The following DYM variants were observed in gnomAD, a reference collection of about 807,000 sequenced individuals.
The protein encoded by DYM is dymeclin.
Under a neutral mutation model 93.1 loss-of-function variants are expected in DYM, and 78 were observed. The ratio of observed to expected loss-of-function variants is 0.84; its 90% confidence interval spans 0.70 to 1.01. The LOEUF (loss-of-function observed/expected upper bound fraction) is 1.01. Ranked by LOEUF, DYM falls within the 50% of genes least tolerant of loss-of-function variation. The pLI, the probability that DYM is intolerant of heterozygous loss-of-function variation, is 0.00. For synonymous variants in DYM, 321 were observed against 319.7 expected, an observed-to-expected ratio of 1.00 and a Z score of -0.04; for missense variants, 789 against 845.0, an observed-to-expected ratio of 0.93 and a Z score of 0.82.
At chr18:49,372,526 T>C (rs769779110) in intron 5 of DYM, among the ~76,000 whole-genome samples, 2 of 152,200 alleles carry the variant, frequency 1.3e-5, no homozygotes, top group Non-Finnish European at 2.9e-5. Context: ...GCAGATCACC[T>C]GAGGTCAGGA....
chr18:49,404,099 C>T (rs753145939), intron 2 of DYM, among the ~76,000 whole-genome samples: 2 of 152,112 alleles, frequency 1.3e-5, no homozygotes, highest in Non-Finnish European at 1.5e-5. Flanking sequence ...CCTCCGCCTC[C>T]CGGATTCAAG....
At chr18:49,294,576 A>G (rs983909416) in intron 8 of DYM, among the ~76,000 whole-genome samples, 4 of 152,334 alleles carry the variant, frequency 2.6e-5, no homozygotes, top group Admixed American at 6.5e-5. Context: ...TGAAGAGGAC[A>G]TAAAGTATGA....
chr18:49,386,624 T>C (rs1194528022), intron 3 of DYM, among the ~76,000 whole-genome samples: 1 of 152,182 alleles, frequency 6.6e-6, no homozygotes, highest in Non-Finnish European at 1.5e-5. Context: ...TGAGAAACTG[T>C]TGCAGACCAG....
chr18:49,088,708 A>C (rs2078782667), intron 17 of DYM, among the ~76,000 whole-genome samples: 1 of 152,216 alleles, frequency 6.6e-6, no homozygotes, highest in Non-Finnish European at 1.5e-5. Flanking sequence ...GTATGCTTTC[A>C]GTTACACAAA....
rs371594165 is a variant in DYM at position 49,205,992 on chromosome 18, G to GTTTTTTTTTTTGTTTT, written c.1625+3558_1625+3559insAAAACAAAAAAAAAAA. ...GTAAGTCATGTTTGACTAAGGTAGAGTTTTTTTTTTGTTTTTTTGTTTTTT... is the reference window on the plus strand; with the variant it reads ...GTAAGTCATGTTTGACTAAGGTAGAGTTTTTTTTTTTGTTTTTTTTTTTTTTGTTTTTTTGTTTTTT... On this transcript the variant is annotated intron_variant, in intron 14 of 17. Coordinates refer to ENST00000675505, the MANE Select transcript of DYM (RefSeq NM_001353214.3). 286 of 56,228 alleles carry GTTTTTTTTTTTGTTTT rather than the reference G, an allele frequency of 5.1e-3. 1 individual carries two copies. The highest frequency in any genetic ancestry group is 9.9e-3 in the Non-Finnish European group (210 of 21,212). The allele number at this position is 56,228 out of a possible 1,614,324, so 3.5% of individuals were successfully genotyped here. A position where few individuals can be genotyped will look rare whatever the true frequency, so the allele number is the denominator to read the frequency against.
intron 14 of DYM, among the ~76,000 whole-genome samples, chr18:49,203,629 T>C (rs1184321544): frequency 3.5e-5 from 5 of 141,404 alleles, no homozygotes; most frequent in Non-Finnish European, 6.1e-5. Context: ...CAAGATGTGC[T>C]TTGTTAAACA....
intron 17 of DYM, among the ~76,000 whole-genome samples, chr18:49,058,621 C>T (rs1374380429): frequency 6.6e-6 from 1 of 152,126 alleles, no homozygotes; most frequent in East Asian, 1.9e-4. Context: ...CACAAATTTA[C>T]ATATTTCAAT....
intron 17 of DYM, among the ~76,000 whole-genome samples, chr18:49,069,192 ATAAAC>A (rs1353363692): frequency 6.6e-6 from 1 of 152,372 alleles, no homozygotes; most frequent in African/African-American, 2.4e-5. Context: ...AAAATAGTGA[ATAAAC>A]TAAATTGTTA....
chr18:49,339,149 T>C (rs2063886933), intron 6 of DYM, among the ~76,000 whole-genome samples: 1 of 152,182 alleles, frequency 6.6e-6, no homozygotes, highest in Non-Finnish European at 1.5e-5. Context: ...CATGTGGTGA[T>C]ATAAAAACCC....
chr18:49,429,831 T>C (rs1165452630), intron 2 of DYM, among the ~76,000 whole-genome samples: 3 of 152,182 alleles, frequency 2.0e-5, no homozygotes, highest in East Asian at 3.8e-4. Context: ...ATTCTACAGA[T>C]ACTCCACAGC....
At chr18:49,219,178 C>A (rs1468373361) in intron 13 of DYM, among the ~76,000 whole-genome samples, 3 of 152,120 alleles carry the variant, frequency 2.0e-5, no homozygotes, top group Non-Finnish European at 4.4e-5. Context: ...AATTCCTCGA[C>A]ACATACACCC....
intron 3 of DYM, among the ~76,000 whole-genome samples, chr18:49,382,161 G>C (rs1331143411): frequency 6.6e-6 from 1 of 152,062 alleles, no homozygotes; most frequent in Non-Finnish European, 1.5e-5. Context: ...AAAACATCTT[G>C]TGTTTTTGGA....
chr18:49,437,277 ATATGACATATTCC>A (rs1272350907), intron 1 of DYM, among the ~76,000 whole-genome samples: 1 of 152,174 alleles, frequency 6.6e-6, no homozygotes, highest in East Asian at 1.9e-4. Flanking sequence ...AAACCATAGC[ATATGACATATTCC>A]TCTCTACTCT....
chr18:49,389,574 G>A (rs554956430), intron 3 of DYM, among the ~76,000 whole-genome samples: 8 of 152,152 alleles, frequency 5.3e-5, no homozygotes, highest in Non-Finnish European at 8.8e-5. Context: ...ATGGTTCCCT[G>A]CAGCCTCAAA....
intron 2 of DYM, among the ~76,000 whole-genome samples, chr18:49,407,999 G>T (rs1018626739): frequency 6.6e-6 from 1 of 151,598 alleles, no homozygotes; most frequent in South Asian, 2.1e-4. Flanking sequence ...AGAGGCTGAA[G>T]GGGGAGGACT....
chr18:49,247,975 T>C (rs1363593584), intron 13 of DYM, among the ~76,000 whole-genome samples: 4 of 152,194 alleles, frequency 2.6e-5, no homozygotes, highest in Non-Finnish European at 5.9e-5. Context: ...AAGACAAACA[T>C]TCCTCCTTCC....
intron 1 of DYM, among the ~76,000 whole-genome samples, chr18:49,452,945 G>A (rs2082650030): frequency 1.5e-5 from 2 of 131,554 alleles, no homozygotes; most frequent in African/African-American, 3.0e-5. Flanking sequence ...TCTAGGCTCA[G>A]GGTTTGAGGA....
At chr18:49,243,073 C>A (rs150640477) in intron 13 of DYM, among the ~76,000 whole-genome samples, 1 of 152,142 alleles carries the variant, frequency 6.6e-6, no homozygotes, top group African/African-American at 2.4e-5. Context: ...GCTGCCTCCT[C>A]GCTACTTTAA....
At position 49,269,574 on chromosome 18, in the gene DYM, A is replaced by C. The variant is rs373570043; in HGVS notation, c.1251+2604T>G. On this transcript the variant is annotated intron_variant, in intron 11 of 17. Coordinates refer to ENST00000675505, the MANE Select transcript of DYM (RefSeq NM_001353214.3). ...AGAGAGTCCGTCGACAGACAAATGG[A>C]TAAAGAAAATGTAATACATACAGTC... is the stretch of plus-strand genomic sequence containing the variant. 1.3e-4 allele frequency among the ~76,000 whole-genome samples: 20 copies of C among 152,326 alleles called. No homozygotes were observed. In the South Asian group the frequency reaches 4.1e-3, roughly 32 times the overall value.
Sources: allele counts gnomAD v4.1 joint callset (sites outside exome capture counted in the v4.1 genomes callset), GRCh38; gene constraint gnomAD v4.1.1; transcripts MANE v1.5; gene names NCBI Gene and HGNC (gene_info 2026-07-23, HGNC 2026-07-21).